Variants in PPP2R2D observed in about 807,000 individuals in gnomAD.
PPP2R2D encodes protein phosphatase 2 regulatory subunit Bdelta.
A neutral mutation model predicts 31.1 loss-of-function variants in PPP2R2D; 9 were observed. The observed-to-expected ratio is 0.29, with a 90% CI of 0.17 to 0.51. The LOEUF (loss-of-function observed/expected upper bound fraction) is 0.51, where lower values mean the gene tolerates loss of function less well. Among genes scored for constraint, PPP2R2D ranks in the 20% least tolerant of loss-of-function variants. The pLI is 0.98. For missense variants in PPP2R2D, 391 were observed against 465.6 expected (o/e 0.84, Z 1.48); for synonymous variants, 179 against 172.6 (o/e 1.04, Z -0.29).
downstream of PPP2R2D, among the ~76,000 whole-genome samples, chr10:131,963,244 C>G (rs1006164038): frequency 9.9e-5 from 15 of 152,282 alleles, no homozygotes; most frequent in Middle Eastern, 6.8e-3. Context: ...CAAGAACTTT[C>G]AGGGGAAATT....
In PPP2R2D at chr10:131,956,202, C is replaced by T; in HGVS notation, c.*239C>T. ...CTCGAAGCAGAGTTGACGGACACTGCTCCCAAAAGGTCATTACTCAGAATA... is the reference window on the plus strand; with the variant it reads ...CTCGAAGCAGAGTTGACGGACACTGTTCCCAAAAGGTCATTACTCAGAATA... On this transcript the variant is annotated 3_prime_UTR_variant, in exon 9 of 9. Transcript: ENST00000455566. The T allele has an allele frequency of 8.3e-7, 1 of 1,210,794 alleles. No individual in the cohort carries two copies. Among genetic ancestry groups the T allele is most frequent in the Middle Eastern group, 3.2e-4 (1 of 3,082 alleles). 75.0% of individuals were successfully genotyped at this position (1,210,794 alleles called of 1,614,324 possible).
the PPP2R2D span, among the ~76,000 whole-genome samples, chr10:131,965,122 C>G: frequency 6.6e-6 from 1 of 152,230 alleles, no homozygotes; most frequent in South Asian, 2.1e-4. Context: ...TTCAGTTCAT[C>G]TGTGCTCCAG....
intron 8 of PPP2R2D, among the ~76,000 whole-genome samples, chr10:131,948,331 G>A (rs1260798983): frequency 9.0e-6 from 1 of 111,450 alleles, no homozygotes; most frequent in Admixed American, 9.0e-5. Context: ...GATTAGTGTG[G>A]TTGAGAGTTA....
At chr10:131,913,874 G>A (rs2035726255) in intron 2 of PPP2R2D, among the ~76,000 whole-genome samples, 1 of 152,216 alleles carries the variant, frequency 6.6e-6, no homozygotes, top group Admixed American at 6.5e-5. Context: ...GCATGAAAGA[G>A]ACTTGAGCTT....
rs1198668677 is a variant in PPP2R2D, at chr10:131,952,024, G to C, written c.1083-3660G>C. 2.0e-5 allele frequency among the ~76,000 whole-genome samples: 3 copies of C among 151,698 alleles called. No homozygotes were observed. In the East Asian group the frequency reaches 5.8e-4, roughly 29 times the overall value. ...GTCACTCTCTTAGCAGTGACTTGCG[G>C]GTGTGCAGGGGGTTCACCACCTTAC... On this transcript the variant is annotated intron_variant, in intron 8 of 8. Transcript: ENST00000455566.
chr10:131,910,733 C>T (rs1441348990), intron 2 of PPP2R2D, among the ~76,000 whole-genome samples: 1 of 152,140 alleles, frequency 6.6e-6, no homozygotes, highest in Non-Finnish European at 1.5e-5. Context: ...GGCCGGCAAC[C>T]CCTGGGTAGC....
the PPP2R2D span, chr10:131,968,277 A>G: frequency 7.5e-5 from 25 of 334,790 alleles, no homozygotes; most frequent in African/African-American, 4.1e-4. Context: ...TCAAATGAAA[A>G]TTTACTACCA....
intron 2 of PPP2R2D, among the ~76,000 whole-genome samples, chr10:131,908,362 C>G (rs1434517385): frequency 1.3e-5 from 2 of 152,210 alleles, no homozygotes; most frequent in African/African-American, 4.8e-5. Flanking sequence ...TCCAATCCCA[C>G]TTGGCGAGTC....
At chr10:131,912,412 C>T (rs1233747332) in intron 2 of PPP2R2D, 2 of 152,226 alleles carry the variant, frequency 1.3e-5, no homozygotes, top group African/African-American at 4.8e-5. Flanking sequence ...GTCTTGAACT[C>T]CTGGACTCAA....
At chr10:131,932,708 T>C (rs557343585) in intron 2 of PPP2R2D, among the ~76,000 whole-genome samples, 40 of 150,994 alleles carry the variant, frequency 2.6e-4, no homozygotes, top group Admixed American at 2.5e-3. Context: ...TAGTACCATA[T>C]TTATGCCTTC....
chr10:131,935,628 A>G (rs2119819969), intron 3 of PPP2R2D, among the ~76,000 whole-genome samples: 1 of 152,340 alleles, frequency 6.6e-6, no homozygotes, highest in East Asian at 1.9e-4. Flanking sequence ...GATTTTTTTA[A>G]ATCCTGTTTT....
intron 2 of PPP2R2D, among the ~76,000 whole-genome samples, chr10:131,922,730 G>A (rs1046709453): frequency 1.3e-5 from 2 of 152,110 alleles, no homozygotes; most frequent in Admixed American, 1.3e-4. Context: ...ACAGGCATGA[G>A]CTACTGCGCC....
chr10:131,923,602 TTGTC>T (rs562010185), intron 2 of PPP2R2D, among the ~76,000 whole-genome samples: 9 of 152,212 alleles, frequency 5.9e-5, no homozygotes, highest in East Asian at 1.9e-4. Context: ...ACGCTTGTTA[TTGTC>T]TGTCTAATTT....
chr10:131,945,235 A>G lies in PPP2R2D; in HGVS notation c.656-60A>G. On this transcript the variant is annotated intron_variant, in intron 6 of 8. Transcript: ENST00000455566. This position sits in a 1 kb window ranked among gnomAD's most constrained non-coding sequence, Gnocchi z 4.8. Reference sequence around the variant, plus strand: ...TTTGGCGTCCTATTTCGCGTGACTGAATGTAGACTAATTAACAACCAGCTG... The same window carrying G: ...TTTGGCGTCCTATTTCGCGTGACTGGATGTAGACTAATTAACAACCAGCTG... The G allele has an allele frequency of 2.6e-6, 4 of 1,557,446 alleles. No homozygotes were observed. The South Asian group carries it at 3.6e-5, about 14-fold the overall frequency.
At chr10:131,916,755 G>A (rs1204498068) in intron 2 of PPP2R2D, among the ~76,000 whole-genome samples, 10 of 151,152 alleles carry the variant, frequency 6.6e-5, no homozygotes, top group African/African-American at 9.8e-5. Flanking sequence ...GACCTCAGGC[G>A]GGTGGAATGA....
intron 2 of PPP2R2D, among the ~76,000 whole-genome samples, chr10:131,933,052 T>A (rs1453783244): frequency 2.0e-5 from 3 of 152,196 alleles, no homozygotes; most frequent in Admixed American, 6.5e-5. Context: ...ACATAATATT[T>A]TAGTTTCATT....
In PPP2R2D at chr10:131,945,531, C is replaced by T. The variant is rs1372970160; in HGVS notation, c.820+72C>T. 2.7e-6 allele frequency: 4 copies of T among 1,506,554 alleles called. No individual in the cohort carries two copies. The highest frequency in any genetic ancestry group is 3.6e-6 in the Non-Finnish European group (4 of 1,118,676). 93.3% of individuals were successfully genotyped at this position (1,506,554 alleles called of 1,614,324 possible). A position where few individuals can be genotyped will look rare whatever the true frequency, so the allele number is the denominator to read the frequency against. On this transcript the variant is annotated intron_variant, in intron 7 of 8. Coordinates refer to ENST00000455566, the MANE Select transcript of PPP2R2D (RefSeq NM_018461.5). The surrounding 1 kb of genome is among the most constrained non-coding windows in gnomAD (Gnocchi z 4.8). ...CTGCGGTGCAGTGACACAGTCTCGGCTCACGGCAAGCTCCGCCTCCCGGGT... is the reference window on the plus strand; with the variant it reads ...CTGCGGTGCAGTGACACAGTCTCGGTTCACGGCAAGCTCCGCCTCCCGGGT...
At chr10:131,915,327 G>T (rs965672848) in intron 2 of PPP2R2D, among the ~76,000 whole-genome samples, 1 of 152,058 alleles carries the variant, frequency 6.6e-6, no homozygotes, top group Non-Finnish European at 1.5e-5. Context: ...CTTTGCTCCC[G>T]TCCTTTGCAG....
At chr10:131,950,628 G>A (rs1327963826) in intron 8 of PPP2R2D, among the ~76,000 whole-genome samples, 2 of 152,206 alleles carry the variant, frequency 1.3e-5, no homozygotes, top group Non-Finnish European at 2.9e-5. Flanking sequence ...AGGAAACTCA[G>A]TAGAGCGAGC....
Sources: allele counts gnomAD v4.1 joint callset (sites outside exome capture counted in the v4.1 genomes callset), GRCh38; gene constraint gnomAD v4.1.1; non-coding constraint Gnocchi (gnomAD v3.1); transcripts MANE v1.5; gene names NCBI Gene and HGNC (gene_info 2026-07-23, HGNC 2026-07-21).